COL14A1: variants seen among roughly 807,000 people sequenced by gnomAD.
COL14A1 encodes collagen alpha-1(XIV) chain.
A neutral mutation model predicts 230.3 loss-of-function variants in COL14A1; 136 were observed. The observed-to-expected ratio is 0.59, with a 90% CI of 0.51 to 0.68. COL14A1 has a LOEUF of 0.68. Among genes scored for constraint, COL14A1 ranks in the 30% least tolerant of loss-of-function variants. The pLI, the probability that COL14A1 is intolerant of heterozygous loss-of-function variation, is 0.00. For missense variants in COL14A1, 1,976 were observed against 2,215.8 expected, an observed-to-expected ratio of 0.89 and a Z score of 2.17; for synonymous variants, 792 against 784.1, an observed-to-expected ratio of 1.01 and a Z score of -0.17.
chr8:120,152,920 G>A (rs1256535869), intron 2 of COL14A1, among the ~76,000 whole-genome samples: 2 of 152,160 alleles, frequency 1.3e-5, no homozygotes, highest in Non-Finnish European at 2.9e-5. Context: ...ACTTTATAAA[G>A]ACCTCTGTGT....
chr8:120,325,920 A>C (rs925216225), intron 40 of COL14A1, among the ~76,000 whole-genome samples: 6 of 152,202 alleles, frequency 3.9e-5, no homozygotes, highest in African/African-American at 1.4e-4. Flanking sequence ...TTTAGCTGTT[A>C]ATAGTTGAAG....
At chr8:120,139,422 G>C (rs80274832) in intron 1 of COL14A1, among the ~76,000 whole-genome samples, 218 of 152,204 alleles carry the variant, frequency 1.4e-3, no homozygotes, top group African/African-American at 5.1e-3. Flanking sequence ...GATAAAAATG[G>C]CTAGAAATGT....
chr8:120,160,636 C>T (rs1476295554), intron 3 of COL14A1, among the ~76,000 whole-genome samples: 1 of 152,146 alleles, frequency 6.6e-6, no homozygotes, highest in Non-Finnish European at 1.5e-5. Context: ...CGCAGCAACC[C>T]AAGACAATCA....
chr8:120,244,506 C>T (rs1445215066), intron 20 of COL14A1, among the ~76,000 whole-genome samples: 1 of 152,072 alleles, frequency 6.6e-6, no homozygotes, highest in South Asian at 2.1e-4. Context: ...TACACTGAAC[C>T]CAATTGGTAG....
chr8:120,215,744 G>A (rs1044041801), intron 13 of COL14A1, among the ~76,000 whole-genome samples: 1 of 152,126 alleles, frequency 6.6e-6, no homozygotes, highest in Non-Finnish European at 1.5e-5. Flanking sequence ...GGTTGCGAGA[G>A]AAAGAGCAAT....
chr8:120,231,656 G>T (rs766891065), intron 19 of COL14A1, 38 bp downstream of exon 19: 5 of 1,600,892 alleles, frequency 3.1e-6, no homozygotes, highest in Middle Eastern at 1.7e-4. Context: ...CTCTGCAGAT[G>T]TTACTAACAC....
chr8:120,192,767 ACTTCC>A (rs1371653152), intron 5 of COL14A1, among the ~76,000 whole-genome samples: 1 of 151,610 alleles, frequency 6.6e-6, no homozygotes, highest in African/African-American at 2.4e-5. Flanking sequence ...TTTTCTCTAA[ACTTCC>A]CTTCTCGCTT....
In COL14A1 at chr8:120,222,940, C is replaced by T. The variant is rs540913873; in HGVS notation, c.1738-2148C>T. Among the ~76,000 whole-genome samples, 211 of 152,250 alleles carry T rather than the reference C, an allele frequency of 1.4e-3. 1 individual carries two copies. The highest frequency in any genetic ancestry group is 2.3e-3 in the Non-Finnish European group (158 of 68,014). ...CAACAAGGCCGGTGTCAGAGAATAA[C>T]CCTACTTATAGGTGGAAAGAGAAAT... On this transcript the variant is annotated intron_variant, in intron 14 of 47. Transcript: ENST00000297848.
intron 45 of COL14A1, among the ~76,000 whole-genome samples, chr8:120,348,101 C>T (rs991805185): frequency 3.3e-5 from 5 of 151,430 alleles, no homozygotes; most frequent in South Asian, 4.2e-4. Flanking sequence ...CAGCACAATT[C>T]GCAAGTGCAA....
rs566278425 is a variant in COL14A1, at chr8:120,334,052, T to C, written c.4785+1317T>C. ...TTCTGGGGATTAGGGCAAAGAAGTT[T>C]GAAGGGCCTTTTTTTCTGCCTACCA... On this transcript the variant is annotated intron_variant, in intron 42 of 47. Coordinates refer to ENST00000297848, the MANE Select transcript of COL14A1 (RefSeq NM_021110.4). Among the ~76,000 whole-genome samples, 10 of 152,348 alleles carry C rather than the reference T, an allele frequency of 6.6e-5. No homozygotes were observed. In the South Asian group the frequency reaches 2.1e-3, roughly 32 times the overall value.
At chr8:120,133,432 A>G (rs1455621684) in intron 1 of COL14A1, among the ~76,000 whole-genome samples, 2 of 152,170 alleles carry the variant, frequency 1.3e-5, no homozygotes, top group Admixed American at 1.3e-4. Flanking sequence ...ACCCAAAAGA[A>G]TAATTCACAA....
intron 45 of COL14A1, among the ~76,000 whole-genome samples, chr8:120,346,867 A>C (rs754919800): frequency 6.0e-4 from 91 of 152,216 alleles, no homozygotes; most frequent in Non-Finnish European, 2.8e-4. Flanking sequence ...CTTTGCACTT[A>C]ATAGGTACTT....
chr8:120,195,318 TA>T (rs1586755928), intron 5 of COL14A1, among the ~76,000 whole-genome samples: 1 of 152,070 alleles, frequency 6.6e-6, no homozygotes, highest in East Asian at 1.9e-4. Context: ...TTATATATGT[TA>T]AAAAAATAAA....
intron 45 of COL14A1, among the ~76,000 whole-genome samples, chr8:120,356,115 G>A (rs1822976114): frequency 6.6e-6 from 1 of 152,214 alleles, no homozygotes; most frequent in African/African-American, 2.4e-5. Flanking sequence ...TGCTAAGTGA[G>A]TTATATAGAA....
chr8:120,320,042 A>G (rs1383193640), intron 40 of COL14A1, among the ~76,000 whole-genome samples: 2 of 151,470 alleles, frequency 1.3e-5, no homozygotes, highest in Admixed American at 1.3e-4. Flanking sequence ...CCTCTAATAT[A>G]TGGTGGCTTT....
Position 120,227,366 on chromosome 8 carries a change from T to C in COL14A1, c.2137+14T>C. 1.9e-6 allele frequency: 3 copies of C among 1,612,910 alleles called. No individual in the cohort carries two copies. In the South Asian group the frequency reaches 3.3e-5, roughly 18 times the overall value. ...TCGGGACCACACGTAAGTCTTGGTC[T>C]GGCCACAGTGCGTTTTAGCTGCTCC... On this transcript the variant is annotated intron_variant, in intron 17 of 47. Coordinates refer to ENST00000297848, the MANE Select transcript of COL14A1 (RefSeq NM_021110.4).
At chr8:120,261,700 A>T (rs1332893738) in intron 23 of COL14A1, among the ~76,000 whole-genome samples, 2 of 152,190 alleles carry the variant, frequency 1.3e-5, no homozygotes, top group Non-Finnish European at 2.9e-5. Flanking sequence ...GCTGTGTATG[A>T]CATGTCTCCT....
chr8:120,276,462 A>G, intron 26 of COL14A1, among the ~76,000 whole-genome samples: 1 of 150,668 alleles, frequency 6.6e-6, no homozygotes, highest in South Asian at 2.1e-4. Flanking sequence ...TTGCCACTAT[A>G]CAATTCAACC....
intron 18 of COL14A1, 75 bp from the exon 19 acceptor site, chr8:120,231,392 A>T: frequency 6.7e-7 from 1 of 1,486,968 alleles, no homozygotes; most frequent in Non-Finnish European, 9.2e-7. Context: ...CTGTCACCCC[A>T]CAGGTATTCT....
Sources: allele counts gnomAD v4.1 joint callset (sites outside exome capture counted in the v4.1 genomes callset), GRCh38; gene constraint gnomAD v4.1.1; transcripts MANE v1.5; gene names NCBI Gene and HGNC (gene_info 2026-07-23, HGNC 2026-07-21).